Variants in TACR1 observed in about 807,000 individuals in gnomAD.
The protein encoded by TACR1 is tachykinin receptor 1.
In TACR1, 25 loss-of-function variants were observed where a neutral mutation model predicts 35.8. That is an observed-to-expected ratio of 0.70 (90% CI 0.51 to 0.98). TACR1 has a LOEUF of 0.98. Ranked by LOEUF, TACR1 falls within the 50% of genes least tolerant of loss-of-function variation. TACR1 has a pLI of 0.00. For missense variants in TACR1, 478 were observed against 522.9 expected (o/e 0.91, Z 0.84); for synonymous variants, 195 against 206.7 (o/e 0.94, Z 0.48).
At chr2:75,181,005 GTAA>G (rs1675546957) in intron 1 of TACR1, among the ~76,000 whole-genome samples, 1 of 152,154 alleles carries the variant, frequency 6.6e-6, no homozygotes, top group Non-Finnish European at 1.5e-5. Flanking sequence ...TGCCAAGTTG[GTAA>G]ACTGGGAGAA....
intron 2 of TACR1, among the ~76,000 whole-genome samples, chr2:75,096,760 A>C (rs1379049737): frequency 1.3e-5 from 2 of 152,100 alleles, no homozygotes; most frequent in African/African-American, 4.8e-5. Context: ...CTTGCCTCCC[A>C]CTTCACTGAG....
chr2:75,119,129 C>G (rs976369430), intron 2 of TACR1, among the ~76,000 whole-genome samples: 2 of 152,166 alleles, frequency 1.3e-5, no homozygotes, highest in African/African-American at 4.8e-5. Flanking sequence ...TTTCAGCCCT[C>G]AAAGCTTGGG....
intron 2 of TACR1, among the ~76,000 whole-genome samples, chr2:75,072,682 CAG>C (rs1407838036): frequency 6.6e-6 from 1 of 152,238 alleles, no homozygotes; most frequent in East Asian, 1.9e-4. Context: ...CTCCACTCCA[CAG>C]TGAGGATCTG....
chr2:75,092,513 T>G (rs1673331739), intron 2 of TACR1, among the ~76,000 whole-genome samples: 1 of 152,140 alleles, frequency 6.6e-6, no homozygotes, highest in African/African-American at 2.4e-5. Flanking sequence ...TTCAGAGAGA[T>G]GCTAGAAAAT....
chr2:75,066,794 A>G (rs754396928), intron 2 of TACR1, among the ~76,000 whole-genome samples: 1 of 152,216 alleles, frequency 6.6e-6, no homozygotes, highest in Non-Finnish European at 1.5e-5. Flanking sequence ...GGGCAATGCA[A>G]TTTATGTGTC....
chr2:75,190,360 G>GATGGTACATTTGGTACAATATCCAAA (rs1307940444), intron 1 of TACR1, among the ~76,000 whole-genome samples: 4 of 152,220 alleles, frequency 2.6e-5, no homozygotes, highest in African/African-American at 9.6e-5. Context: ...CTGGTAGACT[G>GATGGTACATTTGGTACAATATCCAAA]TGTGTACATT....
At chr2:75,177,742 C>T (rs994884982) in intron 1 of TACR1, among the ~76,000 whole-genome samples, 1 of 152,218 alleles carries the variant, frequency 6.6e-6, no homozygotes, top group Admixed American at 6.5e-5. Context: ...TAATAATTTT[C>T]TGCCTGCTCT....
rs1207804582 is a variant in TACR1, at chr2:75,154,412, A to ACG, written c.390-33645_390-33644insCG. 9 of 80,506 alleles carry ACG rather than the reference A, an allele frequency of 1.1e-4. 1 individual carries two copies. The highest frequency in any genetic ancestry group is 4.5e-4 in the African/African-American group (9 of 19,878). The allele number at this position is 80,506 out of a possible 1,614,324, so 5.0% of individuals were successfully genotyped here. ...GATAATCAGCCAAGAGCGCGCACGC[A>ACG]CACACACACACACACACACACACAC... On this transcript the variant is annotated intron_variant, in intron 1 of 4. Transcript: ENST00000305249.
chr2:75,051,233 T>G lies in TACR1; in HGVS notation c.932+18A>C. 6.2e-7 allele frequency: 1 copy of G among 1,614,062 alleles called. No individual in the cohort carries two copies. The highest frequency in any genetic ancestry group is 8.5e-7 in the Non-Finnish European group (1 of 1,179,994). Reference sequence around the variant, plus strand: ...GGTCTTGTGGCCCCTGGAGAGCTCATGGGGTTGGGATCCTCACCTGTCATT... The same window carrying G: ...GGTCTTGTGGCCCCTGGAGAGCTCAGGGGGTTGGGATCCTCACCTGTCATT... On this transcript the variant is annotated intron_variant, in intron 4 of 4. Coordinates refer to ENST00000305249, the MANE Select transcript of TACR1 (RefSeq NM_001058.4).
At chr2:75,156,922 A>C (rs1164016049) in intron 1 of TACR1, among the ~76,000 whole-genome samples, 1 of 152,210 alleles carries the variant, frequency 6.6e-6, no homozygotes, top group Admixed American at 6.5e-5. Flanking sequence ...TTTCCATTAA[A>C]ATGACTAAGA....
At chr2:75,177,564 A>G (rs1222137827) in intron 1 of TACR1, among the ~76,000 whole-genome samples, 1 of 152,122 alleles carries the variant, frequency 6.6e-6, no homozygotes, top group Non-Finnish European at 1.5e-5. Flanking sequence ...AACAATTCTT[A>G]ATACTCATCA....
intron 2 of TACR1, among the ~76,000 whole-genome samples, chr2:75,101,168 T>C (rs1314447807): frequency 6.6e-6 from 1 of 152,002 alleles, no homozygotes; most frequent in Non-Finnish European, 1.5e-5. Context: ...AAAATAAAGA[T>C]AAGAATATAA....
chr2:75,102,453 A>G (rs548352650), intron 2 of TACR1, among the ~76,000 whole-genome samples: 92 of 152,252 alleles, frequency 6.0e-4, no homozygotes, highest in Non-Finnish European at 1.2e-3. Context: ...TAATAGAGTA[A>G]ATTTTTTTTT....
Position 75,049,217 on chromosome 2 carries a change from T to G in TACR1, c.*215A>C. 5.5e-6 allele frequency: 3 copies of G among 549,034 alleles called. No homozygotes were observed. The highest frequency in any genetic ancestry group is 1.9e-5 in the African/African-American group (1 of 53,268). 34.0% of individuals were successfully genotyped at this position (549,034 alleles called of 1,614,324 possible). A position where few individuals can be genotyped will look rare whatever the true frequency, so the allele number is the denominator to read the frequency against. Reference sequence around the variant, plus strand: ...TTACAGGCTCAGCAAAGTTCAGTGATTTGGTTTGAGTCACACAGCATGAGG... The same window carrying G: ...TTACAGGCTCAGCAAAGTTCAGTGAGTTGGTTTGAGTCACACAGCATGAGG... On this transcript the variant is annotated 3_prime_UTR_variant, in exon 5 of 5. Coordinates refer to ENST00000305249, the MANE Select transcript of TACR1 (RefSeq NM_001058.4).
At chr2:75,050,634 T>C (rs1056368517) in intron 4 of TACR1, among the ~76,000 whole-genome samples, 5 of 152,346 alleles carry the variant, frequency 3.3e-5, no homozygotes, top group African/African-American at 1.2e-4. Context: ...TTCTGCCATC[T>C]GCAGGATGGC....
intron 2 of TACR1, among the ~76,000 whole-genome samples, chr2:75,062,379 C>T (rs1289757943): frequency 6.6e-6 from 1 of 152,158 alleles, no homozygotes; most frequent in Non-Finnish European, 1.5e-5. Flanking sequence ...TTCCTGATAT[C>T]TTCCTACACA....
chr2:75,172,169 A>G (rs1441963010), intron 1 of TACR1, among the ~76,000 whole-genome samples: 1 of 152,200 alleles, frequency 6.6e-6, no homozygotes, highest in African/African-American at 2.4e-5. Flanking sequence ...TCTTTCTTAC[A>G]AACCCCATTG....
chr2:75,126,752 G>A lies in TACR1; in HGVS notation c.390-5984C>T, dbSNP rs1044830664. On this transcript the variant is annotated intron_variant, in intron 1 of 4. Transcript: ENST00000305249. Reference sequence around the variant, plus strand: ...ATTTGTAAACTATCCATCTGACAACGGTCTAATATCCAGCATCTGTAAGGG... The same window carrying A: ...ATTTGTAAACTATCCATCTGACAACAGTCTAATATCCAGCATCTGTAAGGG... 3.7e-4 allele frequency among the ~76,000 whole-genome samples: 57 copies of A among 152,134 alleles called. 1 individual carries two copies. Among genetic ancestry groups the A allele is most frequent in the Admixed American group, 7.2e-4 (11 of 15,276 alleles).
intron 1 of TACR1, among the ~76,000 whole-genome samples, chr2:75,177,837 A>T (rs1038973496): frequency 1.3e-5 from 2 of 152,216 alleles, no homozygotes; most frequent in African/African-American, 4.8e-5. Context: ...GCATGCTTCA[A>T]CATTGCTTGA....
Sources: gnomAD v4.1 joint callset for allele counts (sites outside exome capture counted in the v4.1 genomes callset) on GRCh38, gnomAD v4.1.1 for gene constraint, MANE v1.5 for transcripts, NCBI Gene and HGNC (gene_info 2026-07-23, HGNC 2026-07-21) for gene names.